The following TMLHE variants were observed in gnomAD, a reference collection of about 807,000 sequenced individuals.
TMLHE encodes trimethyllysine hydroxylase, epsilon.
TMLHE carries 18 observed loss-of-function variants against 25.7 expected under a neutral mutation model. That is an observed-to-expected ratio of 0.70 (90% confidence interval 0.48 to 1.04). The LOEUF (loss-of-function observed/expected upper bound fraction) is 1.04, where lower values mean the gene tolerates loss of function less well. TMLHE is among the 50% of genes least tolerant of loss of function. TMLHE has a pLI of 0.00. For synonymous variants in TMLHE, 105 were observed against 97.0 expected (o/e 1.08, Z -0.49); for missense variants, 236 against 259.0 (o/e 0.91, Z 0.61).
intron 1 of TMLHE, among the ~76,000 whole-genome samples, chrX:155,578,579 T>C: frequency 8.9e-6 from 1 of 111,861 alleles, no homozygotes; most frequent in Non-Finnish European, 1.9e-5. Context: ...TTCAACCACA[T>C]AGGTTGTAGG....
Position 155,545,087 on chromosome X carries a change from A to G in TMLHE, c.181+9T>C. On this transcript the variant is annotated intron_variant, in intron 2 of 7. Transcript: ENST00000334398. ...TTTTAAAAAGTATCTGTCTTCACAC[A>G]TCTCTTACCAAAATGATCTTCATGT... is the stretch of plus-strand genomic sequence containing the variant. 8.3e-7 allele frequency: 1 copy of G among 1,207,103 alleles called. No individual in the cohort carries two copies. Among genetic ancestry groups the G allele is most frequent in the Non-Finnish European group, 1.1e-6 (1 of 893,245 alleles).
intron 1 of TMLHE, among the ~76,000 whole-genome samples, chrX:155,593,910 AAAG>A (rs1482376808): frequency 3.6e-5 from 4 of 111,414 alleles, no homozygotes; most frequent in African/African-American, 1.3e-4. Context: ...CAAAAAGAAA[AAAG>A]AATGCAGAAA....
intron 1 of TMLHE, among the ~76,000 whole-genome samples, chrX:155,592,185 G>A (rs1365193693): frequency 2.7e-5 from 3 of 111,694 alleles, no homozygotes; most frequent in Non-Finnish European, 3.8e-5. Flanking sequence ...TGCTTCTGAG[G>A]GGCTGGGTGC....
At chrX:155,590,594 G>T (rs782183754) in intron 1 of TMLHE, among the ~76,000 whole-genome samples, 5 of 111,396 alleles carry the variant, frequency 4.5e-5, no homozygotes, top group Non-Finnish European at 7.6e-5. Context: ...GTTTCTACGT[G>T]CTACTGAAAT....
At chrX:155,575,617 C>A (rs2067585053) in intron 1 of TMLHE, among the ~76,000 whole-genome samples, 1 of 111,707 alleles carries the variant, frequency 9.0e-6, no homozygotes, top group Admixed American at 9.5e-5. Flanking sequence ...AAAAAATGAG[C>A]AAACCAAATC....
chrX:155,590,205 C>T (rs2067687045), intron 1 of TMLHE, among the ~76,000 whole-genome samples: 1 of 111,925 alleles, frequency 8.9e-6, no homozygotes, highest in Non-Finnish European at 1.9e-5. Context: ...GTTTCCTTTG[C>T]TTAACTGATC....
In TMLHE at chrX:155,543,558, C is replaced by T. The variant is rs150710069; in HGVS notation, c.181+1538G>A. 7.1e-3 allele frequency among the ~76,000 whole-genome samples: 790 copies of T among 111,946 alleles called. 6 individuals carry two copies. The highest frequency in any genetic ancestry group is 0.024 in the African/African-American group (739 of 30,910). On this transcript the variant is annotated intron_variant, in intron 2 of 7. Coordinates refer to ENST00000334398, the MANE Select transcript of TMLHE (RefSeq NM_018196.4). ...AAATAAATGAAAAAAATTCCATCTT[C>T]GTGGATTGGAAGAATTAATATTGTT...
chrX:155,593,445 C>G (rs1242164837), intron 1 of TMLHE, among the ~76,000 whole-genome samples: 1 of 112,002 alleles, frequency 8.9e-6, no homozygotes, highest in Non-Finnish European at 1.9e-5. Flanking sequence ...AAGGTCCATC[C>G]CTGCCAAAGA....
In TMLHE at chrX:155,569,217, C is replaced by A. The variant is rs1346981931; in HGVS notation, c.-1-23940G>T. 8.8e-5 allele frequency among the ~76,000 whole-genome samples: 5 copies of A among 57,082 alleles called. 1 individual carries two copies. Among genetic ancestry groups the A allele is most frequent in the African/African-American group, 2.1e-4 (5 of 23,818 alleles). 49.6% of individuals were successfully genotyped at this position (57,082 alleles called of 115,157 possible). ...AAGCCTCAGGAGCCGATGCGATCAC[C>A]TGGAAGAAAGGGTATCAGTGATAGA... On this transcript the variant is annotated intron_variant, in intron 1 of 7. Transcript: ENST00000334398.
intron 1 of TMLHE, among the ~76,000 whole-genome samples, chrX:155,590,773 C>G (rs1557345803): frequency 1.8e-5 from 2 of 110,444 alleles, no homozygotes; most frequent in Non-Finnish European, 3.8e-5. Flanking sequence ...AAAACTAGAG[C>G]AGGAAGAACA....
chrX:155,552,271 A>T (rs2067420838), intron 1 of TMLHE, among the ~76,000 whole-genome samples: 1 of 109,704 alleles, frequency 9.1e-6, no homozygotes, highest in African/African-American at 3.4e-5. Flanking sequence ...AAAGACATCT[A>T]TTTTCTTCTG....
At chrX:155,556,751 A>G (rs1262110345) in intron 1 of TMLHE, among the ~76,000 whole-genome samples, 1 of 110,640 alleles carries the variant, frequency 9.0e-6, no homozygotes, top group African/African-American at 3.3e-5. Context: ...TTTATTAGGC[A>G]GGAATTTCCT....
At chrX:155,522,296 A>G (rs1241212574) in intron 3 of TMLHE, among the ~76,000 whole-genome samples, 1 of 111,714 alleles carries the variant, frequency 9.0e-6, no homozygotes, top group Non-Finnish European at 1.9e-5. Context: ...AGAAATGTGT[A>G]GGAAAGTCCC....
At chrX:155,559,894 C>A (rs2067483103) in intron 1 of TMLHE, among the ~76,000 whole-genome samples, 1 of 112,314 alleles carries the variant, frequency 8.9e-6, no homozygotes, top group African/African-American at 3.2e-5. Flanking sequence ...ACACTTTCAT[C>A]ATGCCATTCT....
At chrX:155,514,328 G>C (rs1164752265) in intron 3 of TMLHE, 63 bp from the exon 4 acceptor site, 18 of 1,055,226 alleles carry the variant, frequency 1.7e-5, no homozygotes, top group South Asian at 2.3e-5. Flanking sequence ...TTTGTAATTG[G>C]TTACAACTAG....
chrX:155,578,208 T>A (rs1048714272), intron 1 of TMLHE, among the ~76,000 whole-genome samples: 3 of 111,040 alleles, frequency 2.7e-5, no homozygotes, highest in Non-Finnish European at 5.7e-5. Context: ...AATGGCCCCA[T>A]CCTCCCAGAT....
chrX:155,549,280 C>A (rs1295103476), intron 1 of TMLHE, among the ~76,000 whole-genome samples: 1 of 110,402 alleles, frequency 9.1e-6, no homozygotes, highest in Non-Finnish European at 1.9e-5. Context: ...GCATGGACAA[C>A]CTTGCCTTGT....
chrX:155,524,780 C>T, intron 2 of TMLHE, 148 bp from the exon 3 acceptor site: 1 of 391,665 alleles, frequency 2.6e-6, no homozygotes. Flanking sequence ...TTAAAATATA[C>T]TGTAGAACTT....
At chrX:155,527,868 A>G (rs1557336699) in intron 2 of TMLHE, among the ~76,000 whole-genome samples, 1 of 112,022 alleles carries the variant, frequency 8.9e-6, no homozygotes, top group Non-Finnish European at 1.9e-5. Context: ...ATATAAAAGC[A>G]AAGTTAAAAG....
Sources: allele counts gnomAD v4.1 joint callset (sites outside exome capture counted in the v4.1 genomes callset), GRCh38; gene constraint gnomAD v4.1.1; transcripts MANE v1.5; gene names NCBI Gene and HGNC (gene_info 2026-07-23, HGNC 2026-07-21).